Variants in RNGTT observed in about 807,000 individuals in gnomAD.
RNGTT encodes the protein mRNA-capping enzyme.
Under a neutral mutation model 79.3 loss-of-function variants are expected in RNGTT, and 33 were observed. The observed-to-expected ratio is 0.42, with a 90% CI of 0.32 to 0.56. The LOEUF (loss-of-function observed/expected upper bound fraction) is 0.56, where lower values mean the gene tolerates loss of function less well. Among genes scored for constraint, RNGTT ranks in the 20% least tolerant of loss-of-function variants. The probability of loss-of-function intolerance (pLI) is 0.17; values close to 1 mark genes in which losing one functional copy is unlikely to be tolerated. For missense variants in RNGTT, 497 were observed against 739.1 expected, an observed-to-expected ratio of 0.67 and a Z score of 3.80; for synonymous variants, 222 against 235.9, an observed-to-expected ratio of 0.94 and a Z score of 0.54.
intron 1 of RNGTT, among the ~76,000 whole-genome samples, chr6:88,962,162 C>A (rs189575389): frequency 2.6e-5 from 4 of 151,802 alleles, no homozygotes; most frequent in Admixed American, 6.6e-5. Context: ...GGCTGCCAGG[C>A]GAAGGAGGGA....
chr6:88,708,724 G>A (rs1776224298), intron 13 of RNGTT, among the ~76,000 whole-genome samples: 1 of 151,980 alleles, frequency 6.6e-6, no homozygotes, highest in African/African-American at 2.4e-5. Flanking sequence ...ACTTTTTTCT[G>A]CCTTCTAAAA....
chr6:88,954,004 A>G (rs1245981222), intron 1 of RNGTT, among the ~76,000 whole-genome samples: 2 of 152,362 alleles, frequency 1.3e-5, no homozygotes, highest in Middle Eastern at 3.4e-3. Context: ...TAAAACCTCA[A>G]AATACACCAA....
chr6:88,685,387 G>A (rs1454972634), intron 13 of RNGTT, among the ~76,000 whole-genome samples: 1 of 152,098 alleles, frequency 6.6e-6, no homozygotes, highest in African/African-American at 2.4e-5. Context: ...AAGAGAAAGG[G>A]TATCTAGGAA....
chr6:88,911,566 T>C (rs905867860), intron 4 of RNGTT, among the ~76,000 whole-genome samples: 11 of 151,772 alleles, frequency 7.2e-5, no homozygotes, highest in Admixed American at 7.2e-4. Flanking sequence ...TGGACCACAG[T>C]GAAATAAAAA....
At position 88,614,393 on chromosome 6, in the gene RNGTT, C is replaced by T; in HGVS notation, c.1509G>A (p.Val503=). The part of the protein sequence containing the change: ...GYERPFAQIK[V]TKELKQYDNK... ...TGTCATACTGTTTCAGCTCTTTTGT[C>T]ACCTGTTTTGAAAGAGAATTGAGGA... Residue 503 remains valine, a splice_region_variant and synonymous_variant, in exon 15 of 16, where the codon GTG becomes GTA. Coordinates refer to ENST00000369485, the MANE Select transcript of RNGTT (RefSeq NM_003800.5). The T allele has an allele frequency of 6.2e-7, 1 of 1,613,106 alleles. No individual in the cohort carries two copies. The highest frequency in any genetic ancestry group is 8.5e-7 in the Non-Finnish European group (1 of 1,179,426).
chr6:88,612,132 A>G lies in RNGTT; in HGVS notation c.*587T>C, dbSNP rs1200457097. The stretch of plus-strand genomic sequence containing the variant: ...ATGGAGCTTTACTTTTTTCTTTTAC[A>G]TTTCCAAAAAACTTGTTAAAATGAT... On this transcript the variant is annotated 3_prime_UTR_variant, in exon 16 of 16. Transcript: ENST00000369485. The G allele has an allele frequency of 1.3e-5, 2 of 152,616 alleles. No individual in the cohort carries two copies. Among genetic ancestry groups the G allele is most frequent in the South Asian group, 4.1e-4 (2 of 4,834 alleles). 9.5% of individuals were successfully genotyped at this position (152,616 alleles called of 1,614,324 possible). A position where few individuals can be genotyped will look rare whatever the true frequency, so the allele number is the denominator to read the frequency against.
intron 2 of RNGTT, among the ~76,000 whole-genome samples, chr6:88,940,294 G>A (rs917803405): frequency 1.3e-5 from 2 of 152,014 alleles, no homozygotes; most frequent in Non-Finnish European, 2.9e-5. Context: ...GGCCAGGCTG[G>A]TCTCAAACAC....
chr6:88,804,673 T>C (rs1399049867), intron 11 of RNGTT, among the ~76,000 whole-genome samples: 1 of 152,186 alleles, frequency 6.6e-6, no homozygotes, highest in Non-Finnish European at 1.5e-5. Context: ...ATATGTAATG[T>C]GTTTATTAAA....
chr6:88,697,726 C>A (rs1457042467), intron 13 of RNGTT, among the ~76,000 whole-genome samples: 2 of 150,438 alleles, frequency 1.3e-5, no homozygotes, highest in African/African-American at 4.9e-5. Context: ...ACAAAACAAG[C>A]CAGGTGTGGT....
chr6:88,705,712 C>T (rs1776107547), intron 13 of RNGTT, among the ~76,000 whole-genome samples: 1 of 152,084 alleles, frequency 6.6e-6, no homozygotes, highest in Non-Finnish European at 1.5e-5. Context: ...GTATAAGAGT[C>T]AAGAAACATC....
chr6:88,860,329 G>A (rs995308504), intron 8 of RNGTT, among the ~76,000 whole-genome samples: 71 of 152,088 alleles, frequency 4.7e-4, no homozygotes, highest in African/African-American at 1.6e-3. Context: ...CATTTTGTTT[G>A]GAAGAAACGA....
intron 2 of RNGTT, among the ~76,000 whole-genome samples, chr6:88,935,164 C>A (rs1784627132): frequency 6.6e-6 from 1 of 152,092 alleles, no homozygotes; most frequent in Admixed American, 6.6e-5. Flanking sequence ...CCAATTTTCC[C>A]AGCACCATTT....
At chr6:88,928,125 T>A (rs1482787584) in intron 4 of RNGTT, among the ~76,000 whole-genome samples, 1 of 151,916 alleles carries the variant, frequency 6.6e-6, no homozygotes, top group Non-Finnish European at 1.5e-5. Flanking sequence ...GAAGAGAGGA[T>A]CACTTGAGCC....
intron 6 of RNGTT, 140 bp downstream of exon 6, chr6:88,904,575 T>A (rs878965860): frequency 1.8e-3 from 1,363 of 769,864 alleles, no homozygotes; most frequent in South Asian, 2.1e-3. Context: ...AAAAAAAAAA[T>A]TTTTTTTTTA....
chr6:88,738,340 TA>T (rs1389609710), intron 13 of RNGTT, among the ~76,000 whole-genome samples: 1 of 152,130 alleles, frequency 6.6e-6, no homozygotes, highest in African/African-American at 2.4e-5. Context: ...ATATGACAAC[TA>T]AATGTAATGC....
chr6:88,757,793 T>G (rs943319613), intron 13 of RNGTT, among the ~76,000 whole-genome samples: 8 of 152,192 alleles, frequency 5.3e-5, no homozygotes, highest in Non-Finnish European at 7.4e-5. Flanking sequence ...ACTATAAGAT[T>G]TGAAGTCACA....
At chr6:88,748,674 T>C (rs1777745241) in intron 13 of RNGTT, among the ~76,000 whole-genome samples, 1 of 152,132 alleles carries the variant, frequency 6.6e-6, no homozygotes, top group Non-Finnish European at 1.5e-5. Context: ...TTTGCATGAA[T>C]ATATCACAAG....
chr6:88,665,247 C>G (rs1774354744), intron 14 of RNGTT, among the ~76,000 whole-genome samples: 2 of 152,090 alleles, frequency 1.3e-5, no homozygotes, highest in African/African-American at 4.8e-5. Flanking sequence ...AGAAGACAAC[C>G]CTCCTGGATT....
chr6:88,916,960 C>T (rs1784019335), intron 4 of RNGTT, among the ~76,000 whole-genome samples: 1 of 152,234 alleles, frequency 6.6e-6, no homozygotes, highest in Non-Finnish European at 1.5e-5. Flanking sequence ...ACTTGTTCTA[C>T]TTAACCCTTC....
Sources: allele counts gnomAD v4.1 joint callset (sites outside exome capture counted in the v4.1 genomes callset), GRCh38; gene constraint gnomAD v4.1.1; transcripts MANE v1.5; gene names NCBI Gene and HGNC (gene_info 2026-07-23, HGNC 2026-07-21).